Variants in TNRC18 observed in about 807,000 individuals in gnomAD.
The protein encoded by TNRC18 is trinucleotide repeat containing 18, also known as trinucleotide repeat-containing gene 18 protein.
A neutral mutation model predicts 226.7 loss-of-function variants in TNRC18; 69 were observed. The ratio of observed to expected loss-of-function variants is 0.30; its 90% CI spans 0.25 to 0.37. The LOEUF is 0.37. Among genes scored for constraint, TNRC18 ranks in the 10% least tolerant of loss-of-function variants. TNRC18 has a pLI of 1.00. For synonymous variants in TNRC18, 2,449 were observed against 1,927.6 expected (o/e 1.27, Z -7.09); for missense variants, 4,754 against 4,256.6 (o/e 1.12, Z -3.25).
At chr7:5,411,904 G>C (rs527870274) in intron 2 of TNRC18, among the ~76,000 whole-genome samples, 1 of 152,274 alleles carries the variant, frequency 6.6e-6, no homozygotes, top group South Asian at 2.1e-4. Flanking sequence ...CAGAAGGCTG[G>C]CTGGGCATGG....
chr7:5,376,028 A>G lies in TNRC18; in HGVS notation c.2799+6T>C, dbSNP rs1794639806. On this transcript the variant is annotated splice_donor_region_variant and intron_variant, in intron 9 of 29. Coordinates refer to ENST00000430969, the MANE Select transcript of TNRC18 (RefSeq NM_001080495.3). ...AGGGAGCTGCGCCTCATCCTCCCCG[A>G]CTTACCACGAGCTGGGCGCTCCTCT... is the stretch of plus-strand genomic sequence containing the variant. The G allele has an allele frequency of 1.9e-6, 3 of 1,586,692 alleles. No homozygotes were observed. Among genetic ancestry groups the G allele is most frequent in the African/African-American group, 2.7e-5 (2 of 74,094 alleles).
Position 5,362,722 on chromosome 7 carries a change from G to C in TNRC18, c.4323C>G (p.Leu1441=), listed in dbSNP as rs1427507264. The stretch of plus-strand genomic sequence containing the variant: ...GCTCCCGCGGGAGCCGCAGGTTCTT[G>C]AGTGGGTCCACCACGGGCCCATCCA... ...EVLDGPVVDP[L]KNLRLPRELK... Residue 1441 remains leucine (L), a synonymous_variant, in exon 12 of 30, where the codon CTC becomes CTG. Transcript: ENST00000430969. 6.3e-6 allele frequency: 10 copies of C among 1,578,764 alleles called. No individual in the cohort carries two copies. Among genetic ancestry groups the C allele is most frequent in the Non-Finnish European group, 8.6e-6 (10 of 1,163,028 alleles).
chr7:5,356,856 G>A, intron 16 of TNRC18, 60 bp downstream of exon 16: 2 of 1,471,356 alleles, frequency 1.4e-6, no homozygotes, highest in East Asian at 2.5e-5. Context: ...ACGGTGGAGA[G>A]AAGAGGGGAG....
intron 2 of TNRC18, among the ~76,000 whole-genome samples, chr7:5,410,014 T>A (rs1188138639): frequency 2.0e-5 from 3 of 149,014 alleles, no homozygotes; most frequent in South Asian, 2.1e-4. Flanking sequence ...AATTTTTTTT[T>A]AAATTCAATG....
chr7:5,359,689 A>C, intron 14 of TNRC18, 120 bp from the exon 15 acceptor site: 1 of 1,093,574 alleles, frequency 9.1e-7, no homozygotes, highest in South Asian at 1.3e-5. Context: ...GTGATGGCAG[A>C]GTGACGGGCG....
intron 11 of TNRC18, among the ~76,000 whole-genome samples, chr7:5,368,103 A>AAGACTGGGTCATCAAGGGCC (rs1793790649): frequency 6.6e-6 from 1 of 152,056 alleles, no homozygotes; most frequent in Admixed American, 6.5e-5. Flanking sequence ...CTGACCATCT[A>AAGACTGGGTCATCAAGGGCC]AGACTGGGTC....
intron 5 of TNRC18, among the ~76,000 whole-genome samples, chr7:5,382,437 C>T (rs546383113): frequency 6.6e-6 from 1 of 152,352 alleles, no homozygotes; most frequent in South Asian, 2.1e-4. Flanking sequence ...CACATCGCAG[C>T]CATTAGGAAC....
intron 2 of TNRC18, among the ~76,000 whole-genome samples, chr7:5,414,578 AT>A: frequency 6.6e-6 from 1 of 151,722 alleles, no homozygotes; most frequent in African/African-American, 2.4e-5. Context: ...ACGCCCGGCT[AT>A]TTTTTTGTAT....
Position 5,374,070 on chromosome 7 carries a change from G to C in TNRC18, c.3214C>G (p.Gln1072Glu), listed in dbSNP as rs1453757720. Residue 1072 changes from glutamine (Q) to glutamate (E), a missense_variant, in exon 10 of 30, where the codon CAG (glutamine) becomes GAG (glutamate). Transcript: ENST00000430969. ...ELEKEAPSPF[Q>E]ALFSDIPPRY... is the part of the protein sequence containing the mutation. ...TGCATCCTACCTGAGAACAGGGCCT[G>C]GAAGGGGCTGGGGGCTTCCTTCTCC... The C allele has an allele frequency of 6.4e-7, 1 of 1,573,750 alleles. No individual in the cohort carries two copies. Among genetic ancestry groups the C allele is most frequent in the Non-Finnish European group, 8.6e-7 (1 of 1,163,230 alleles).
chr7:5,368,959 C>G (rs191112261), intron 11 of TNRC18, among the ~76,000 whole-genome samples: 9 of 152,070 alleles, frequency 5.9e-5, no homozygotes, highest in Admixed American at 1.3e-4. Flanking sequence ...TACCCTCCCC[C>G]TTCCCTACAC....
chr7:5,330,822 C>T (rs1290140952), intron 19 of TNRC18, among the ~76,000 whole-genome samples: 6 of 152,050 alleles, frequency 3.9e-5, no homozygotes, highest in African/African-American at 7.2e-5. Flanking sequence ...TACAGGCACC[C>T]GCCACCATGC....
Position 5,313,382 on chromosome 7 carries a change from G to A in TNRC18, c.7509C>T (p.Ser2503=), listed in dbSNP as rs752863644. Residue 2503 remains serine, a synonymous_variant, in exon 27 of 30, where the codon AGC becomes AGT. Transcript: ENST00000430969. The part of the protein sequence containing the change: ...QEPKSLLSLG[S]YPPAAGSSEP... ...CGCTGCTGCCGGCCGCGGGGGGATAGCTGCCCAGGCTCAGGAGGCTCTTGG... is the reference window on the plus strand; with the variant it reads ...CGCTGCTGCCGGCCGCGGGGGGATAACTGCCCAGGCTCAGGAGGCTCTTGG... The A allele has an allele frequency of 1.9e-6, 3 of 1,587,904 alleles. No homozygotes were observed. The African/African-American group carries it at 4.0e-5, about 21-fold the overall frequency.
At chr7:5,308,621 G>A (rs1786844526) in intron 29 of TNRC18, among the ~76,000 whole-genome samples, 1 of 152,148 alleles carries the variant, frequency 6.6e-6, no homozygotes. Flanking sequence ...GAGACCCAGA[G>A]AGAGTCAGAG....
chr7:5,313,462 C>G lies in TNRC18; in HGVS notation c.7429G>C (p.Ala2477Pro), dbSNP rs769890663. The G allele has an allele frequency of 2.5e-6, 4 of 1,613,006 alleles. No individual in the cohort carries two copies. The highest frequency in any genetic ancestry group is 3.4e-6 in the Non-Finnish European group (4 of 1,179,494). The change falls in exon 27 of 30, where the codon GCT (alanine) becomes CCT (proline). Residue 2477 changes from alanine to proline, a missense_variant. Transcript: ENST00000430969. ...TCCCGGAGCAGCAGGGCCTCTTTAGCCTTCTTGCTTTTGGGTGACGTGACA... is the reference window on the plus strand; with the variant it reads ...TCCCGGAGCAGCAGGGCCTCTTTAGGCTTCTTGCTTTTGGGTGACGTGACA... The part of the protein sequence containing the change: ...EGVTSPKSKK[A>P]KEALLLREDP...
chr7:5,348,045 G>A (rs76512104), intron 17 of TNRC18, among the ~76,000 whole-genome samples: 16,820 of 152,232 alleles, frequency 0.11, 984 homozygotes, highest in East Asian at 0.18. Context: ...TTCATCCAGT[G>A]ACCTTCCCTG....
Position 5,315,981 on chromosome 7 carries a change from G to A in TNRC18, c.6837C>T (p.Leu2279=). Residue 2279 remains leucine (L), a synonymous_variant, in exon 25 of 30, where the codon CTC becomes CTT. Transcript: ENST00000430969. ...TGRIPLSHIR[L]LPPDYKIQCA... ...ACTGTATCTTATAGTCAGGGGGCAG[G>A]AGGCGGATATGTGAGAGGGGGATCC... 4 of 1,598,888 alleles carry A rather than the reference G, an allele frequency of 2.5e-6. No individual in the cohort carries two copies. Among genetic ancestry groups the A allele is most frequent in the Non-Finnish European group, 3.4e-6 (4 of 1,173,398 alleles).
intron 2 of TNRC18, among the ~76,000 whole-genome samples, chr7:5,401,832 A>T (rs1222970654): frequency 6.6e-6 from 1 of 152,158 alleles, no homozygotes. Context: ...TCATGCCTGT[A>T]ATCTCAACAC....
At chr7:5,395,587 TGGCG>T (rs1780619922) in intron 2 of TNRC18, among the ~76,000 whole-genome samples, 1 of 152,180 alleles carries the variant, frequency 6.6e-6, no homozygotes, top group East Asian at 1.9e-4. Flanking sequence ...ATGCAGGCCC[TGGCG>T]CACGGGGCTT....
chr7:5,308,775 G>C, intron 29 of TNRC18, 100 bp downstream of exon 29: 2 of 1,332,058 alleles, frequency 1.5e-6, no homozygotes, highest in East Asian at 5.0e-5. Context: ...GGGAGACCAT[G>C]GGGGACAGAG....
Sources: allele counts gnomAD v4.1 joint callset (sites outside exome capture counted in the v4.1 genomes callset), GRCh38; gene constraint gnomAD v4.1.1; transcripts MANE v1.5; gene names NCBI Gene and HGNC (gene_info 2026-07-23, HGNC 2026-07-21).